Variants in AZIN2 observed in about 807,000 individuals in gnomAD.
The protein encoded by AZIN2 is ODC antizyme inhibitor-2.
AZIN2 carries 28 observed loss-of-function variants against 47.8 expected under a neutral mutation model. The observed-to-expected ratio is 0.59, with a 90% confidence interval of 0.43 to 0.80. The LOEUF is 0.80. Ranked by LOEUF, AZIN2 falls within the 30% of genes least tolerant of loss-of-function variation. The pLI is 0.00. For missense variants in AZIN2, 535 were observed against 582.5 expected, an observed-to-expected ratio of 0.92 and a Z score of 0.84; for synonymous variants, 221 against 239.4, an observed-to-expected ratio of 0.92 and a Z score of 0.71.
chr1:33,108,133 T>C (rs553497744), intron 10 of AZIN2, among the ~76,000 whole-genome samples: 7 of 152,100 alleles, frequency 4.6e-5, no homozygotes, highest in South Asian at 2.1e-4. Flanking sequence ...AACGAACATA[T>C]AGACCAGTGG....
At chr1:33,147,607 C>T in the AZIN2 span, 10 of 1,613,996 alleles carry the variant, frequency 6.2e-6, no homozygotes, top group Non-Finnish European at 8.5e-6. This position sits in a 1 kb window ranked among gnomAD's most constrained non-coding sequence, Gnocchi z 8.1. Flanking sequence ...CACATCGAAG[C>T]GCTTTGGCGA....
chr1:33,100,706 A>C (rs1344812779), intron 10 of AZIN2, among the ~76,000 whole-genome samples: 32 of 152,216 alleles, frequency 2.1e-4, no homozygotes, highest in Admixed American at 2.0e-3. Flanking sequence ...TTAAAAAATC[A>C]CAATTCCATT....
intron 11 of AZIN2, chr1:33,118,335 A>G (rs1644659532): frequency 1.2e-5 from 6 of 481,274 alleles, no homozygotes; most frequent in Non-Finnish European, 2.1e-5. Flanking sequence ...ACAGAGAAGC[A>G]GACAGGCCCT....
At chr1:33,109,017 C>T (rs1644157910) in intron 10 of AZIN2, among the ~76,000 whole-genome samples, 1 of 152,222 alleles carries the variant, frequency 6.6e-6, no homozygotes, top group South Asian at 2.1e-4. Context: ...TGTTGCTCCA[C>T]ATCCACACCA....
intron 8 of AZIN2, among the ~76,000 whole-genome samples, chr1:33,095,278 G>T (rs935371679): frequency 1.3e-5 from 2 of 152,198 alleles, no homozygotes; most frequent in African/African-American, 4.8e-5. Flanking sequence ...TAGTCTCAAA[G>T]AATTTGCCTC....
At chr1:33,092,977 C>T (rs887738305) in intron 6 of AZIN2, among the ~76,000 whole-genome samples, 1 of 152,222 alleles carries the variant, frequency 6.6e-6, no homozygotes, top group Admixed American at 6.5e-5. Context: ...TGGTTCCTCT[C>T]ATACACGACA....
intron 10 of AZIN2, among the ~76,000 whole-genome samples, chr1:33,107,929 C>A (rs763916758): frequency 2.6e-5 from 4 of 152,102 alleles, no homozygotes; most frequent in African/African-American, 9.7e-5. Flanking sequence ...TCAATGCAGT[C>A]CCTATCAAAA....
At chr1:33,116,318 G>A (rs1047894923) in intron 10 of AZIN2, among the ~76,000 whole-genome samples, 6 of 152,092 alleles carry the variant, frequency 3.9e-5, no homozygotes, top group Admixed American at 3.3e-4. Flanking sequence ...TCAAATATAT[G>A]AGCACTATTT....
At chr1:33,158,998 G>A in the AZIN2 span, among the ~76,000 whole-genome samples, 7 of 151,918 alleles carry the variant, frequency 4.6e-5, no homozygotes, top group Non-Finnish European at 7.4e-5. Flanking sequence ...CTGCCACCAC[G>A]CCCGGCTAAT....
intron 5 of AZIN2, 124 bp downstream of exon 5, chr1:33,084,251 AC>A: frequency 8.8e-7 from 1 of 1,137,774 alleles, no homozygotes; most frequent in Non-Finnish European, 1.3e-6. Flanking sequence ...CTCTGGGAAG[AC>A]CACCCACTCA....
At position 33,117,865 on chromosome 1, in the gene AZIN2, C is replaced by T. The variant is rs760304194; in HGVS notation, c.1030-37C>T. The T allele has an allele frequency of 1.2e-5, 20 of 1,611,038 alleles. No individual in the cohort carries two copies. In the South Asian group the frequency reaches 1.8e-4, roughly 14 times the overall value. On this transcript the variant is annotated intron_variant, in intron 10 of 11. Transcript: ENST00000294517. ...AGGGAGTGGCAAGGCTGTTGTATGC[C>T]CAGGAGAGCTGGCATGGCCATCCCT...
Position 33,094,726 on chromosome 1 carries a change from C to T in AZIN2, c.753+13C>T, listed in dbSNP as rs374924884. 2 of 1,613,436 alleles carry T rather than the reference C, an allele frequency of 1.2e-6. No individual in the cohort carries two copies. The highest frequency in any genetic ancestry group is 1.7e-6 in the Non-Finnish European group (2 of 1,179,632). On this transcript the variant is annotated intron_variant, in intron 8 of 11. Transcript: ENST00000294517. ...GAGATTTGAAGAGGTAACCCTGGAG[C>T]TGGGAGTGTCATGCTGGGCTCTATG... is the stretch of plus-strand genomic sequence containing the variant.
intron 10 of AZIN2, among the ~76,000 whole-genome samples, chr1:33,103,022 G>A (rs1242469377): frequency 6.6e-6 from 1 of 152,072 alleles, no homozygotes. Context: ...ATACATTTTG[G>A]TTTCAGTGAA....
the AZIN2 span, among the ~76,000 whole-genome samples, chr1:33,155,298 C>A: frequency 6.6e-6 from 1 of 151,964 alleles, no homozygotes; most frequent in Non-Finnish European, 1.5e-5. Context: ...TCTCGAACTC[C>A]TGACCTCAAG....
At chr1:33,095,622 A>G (rs1643068418) in intron 8 of AZIN2, among the ~76,000 whole-genome samples, 1 of 152,198 alleles carries the variant, frequency 6.6e-6, no homozygotes, top group Non-Finnish European at 1.5e-5. Context: ...TCTGTAATCA[A>G]GTATATTACA....
At chr1:33,156,929 T>G in the AZIN2 span, among the ~76,000 whole-genome samples, 15 of 63,484 alleles carry the variant, frequency 2.4e-4, no homozygotes, top group African/African-American at 8.6e-4. Flanking sequence ...ATCCCACCCC[T>G]TCCCACCCCC....
chr1:33,139,299 A>G, the AZIN2 span, among the ~76,000 whole-genome samples: 1 of 152,174 alleles, frequency 6.6e-6, no homozygotes, highest in Non-Finnish European at 1.5e-5. Flanking sequence ...GAGATGGGGT[A>G]GTTTCAAAAT....
chr1:33,109,327 C>CT (rs1231170138), intron 10 of AZIN2, among the ~76,000 whole-genome samples: 275 of 137,980 alleles, frequency 2.0e-3, no homozygotes, highest in Middle Eastern at 3.7e-3. Context: ...TTTTCTTTTT[C>CT]TTTTTTTTTT....
At position 33,123,209 on chromosome 1, in the gene AZIN2, C is replaced by T. The variant is rs1644826790; in HGVS notation, c.*3027C>T. On this transcript the variant is annotated 3_prime_UTR_variant, in exon 12 of 12. Transcript: ENST00000294517. ...GATCACCCTTTAGAAAATAGCATGTCCTAGTCTCTCTCTTTTCTCTTAACT... is the reference window on the plus strand; with the variant it reads ...GATCACCCTTTAGAAAATAGCATGTTCTAGTCTCTCTCTTTTCTCTTAACT... 6.6e-6 allele frequency among the ~76,000 whole-genome samples: 1 copy of T among 152,188 alleles called. No individual in the cohort carries two copies. Among genetic ancestry groups the T allele is most frequent in the Non-Finnish European group, 1.5e-5 (1 of 68,034 alleles).
Sources: allele counts gnomAD v4.1 joint callset (sites outside exome capture counted in the v4.1 genomes callset), GRCh38; gene constraint gnomAD v4.1.1; non-coding constraint Gnocchi (gnomAD v3.1); transcripts MANE v1.5; gene names NCBI Gene and HGNC (gene_info 2026-07-23, HGNC 2026-07-21).